RIT2: variants seen among roughly 807,000 people sequenced by gnomAD.
RIT2 encodes GTP-binding protein Rit2.
In RIT2, 24 loss-of-function variants were observed where a neutral mutation model predicts 23.7. The observed-to-expected ratio is 1.01, with a 90% CI of 0.73 to 1.43. The LOEUF (loss-of-function observed/expected upper bound fraction) is 1.43. Among genes scored for constraint, RIT2 ranks in the 40% most tolerant of loss-of-function variants. RIT2 has a pLI of 0.00. For missense variants in RIT2, 236 were observed against 266.9 expected, an observed-to-expected ratio of 0.88 and a Z score of 0.81; for synonymous variants, 107 against 91.1, an observed-to-expected ratio of 1.17 and a Z score of -0.99.
At chr18:43,105,517 GGAAT>G (rs1913801777) in intron 1 of RIT2, among the ~76,000 whole-genome samples, 2 of 150,668 alleles carry the variant, frequency 1.3e-5, no homozygotes, top group Admixed American at 6.6e-5. Flanking sequence ...AGGGAGGGAG[GGAAT>G]GAGCAGTTTT....
chr18:42,812,516 T>C (rs114418448), intron 4 of RIT2, among the ~76,000 whole-genome samples: 1,712 of 152,326 alleles, frequency 0.011, 36 homozygotes, highest in African/African-American at 0.04. Flanking sequence ...CCCATTTCTT[T>C]ACTGTACCTC....
chr18:42,874,044 C>T (rs1351775375), intron 4 of RIT2, among the ~76,000 whole-genome samples: 1 of 152,092 alleles, frequency 6.6e-6, no homozygotes, highest in Non-Finnish European at 1.5e-5. Flanking sequence ...AACATCATTC[C>T]ACTGAGAGAT....
chr18:42,990,411 C>G (rs556849263), intron 2 of RIT2, among the ~76,000 whole-genome samples: 1 of 152,168 alleles, frequency 6.6e-6, no homozygotes, highest in South Asian at 2.1e-4. Flanking sequence ...TGACCAAATG[C>G]CTAGGCACCC....
At chr18:42,979,570 T>A (rs1253077650) in intron 2 of RIT2, among the ~76,000 whole-genome samples, 1 of 152,134 alleles carries the variant, frequency 6.6e-6, no homozygotes, top group African/African-American at 2.4e-5. Flanking sequence ...CTTGAATAAA[T>A]CATCTCAATT....
Position 42,743,532 on chromosome 18 carries a change from G to T in RIT2, c.615C>A (p.Leu205=), listed in dbSNP as rs1804730. ...LKRKDSLWKK[L]KGSLKKKREN... is the part of the protein sequence containing the mutation. ...CTCTCTTCTTCTTCAAAGAACCTTT[G>T]AGCTTCTTCCACAGGCTGTCTTTTC... Residue 205 remains leucine, a synonymous_variant, in exon 5 of 5, where the codon CTC becomes CTA. Coordinates refer to ENST00000326695, the MANE Select transcript of RIT2 (RefSeq NM_002930.4). 0.4 allele frequency: 645,132 copies of T among 1,612,434 alleles called. 139,735 individuals carry two copies. The highest frequency in any genetic ancestry group is 0.76 in the African/African-American group (56,965 of 74,952).
chr18:42,799,413 A>G (rs1224832433), intron 4 of RIT2, among the ~76,000 whole-genome samples: 4 of 152,224 alleles, frequency 2.6e-5, no homozygotes, highest in Non-Finnish European at 4.4e-5. Context: ...AAATAACTCT[A>G]AAAATATTCC....
At chr18:43,115,005 G>A (rs1281342374) in intron 1 of RIT2, among the ~76,000 whole-genome samples, 1 of 152,100 alleles carries the variant, frequency 6.6e-6, no homozygotes, top group Non-Finnish European at 1.5e-5. Context: ...ATCATCCCGA[G>A]TATATGTCTG....
chr18:43,059,003 C>T (rs1751878950), intron 1 of RIT2, among the ~76,000 whole-genome samples: 2 of 121,162 alleles, frequency 1.7e-5, no homozygotes. Flanking sequence ...TTCAACATAG[C>T]TGCTCTTCCC....
chr18:42,939,634 G>A (rs758001094), intron 3 of RIT2, among the ~76,000 whole-genome samples: 1 of 151,628 alleles, frequency 6.6e-6, no homozygotes, highest in Non-Finnish European at 1.5e-5. Context: ...TTAAAATTTT[G>A]TTCTTTATTC....
intron 4 of RIT2, among the ~76,000 whole-genome samples, chr18:42,798,094 T>C (rs1905426360): frequency 6.6e-6 from 1 of 152,250 alleles, no homozygotes. Context: ...TTTAATTTTC[T>C]GATCTTTTAA....
rs1158013443 is a variant in RIT2, at chr18:43,089,590, T to TA, written c.103+25826dup. ...CAAGACAATCCTAAGCAAAAAAAAA[T>TA]AAAAAAAAAAATAAAGCTGGAGGTG... On this transcript the variant is annotated intron_variant, in intron 1 of 4. Transcript: ENST00000326695. 7.1e-4 allele frequency among the ~76,000 whole-genome samples: 92 copies of TA among 129,956 alleles called. 1 individual carries two copies. Among genetic ancestry groups the TA allele is most frequent in the South Asian group, 2.7e-3 (11 of 4,074 alleles). The allele number at this position is 129,956 out of a possible 152,430, so 85.3% of individuals were successfully genotyped here. A position where few individuals can be genotyped will look rare whatever the true frequency, so the allele number is the denominator to read the frequency against.
At chr18:42,902,866 G>T (rs1035321779) in intron 4 of RIT2, among the ~76,000 whole-genome samples, 2 of 151,574 alleles carry the variant, frequency 1.3e-5, no homozygotes, top group Admixed American at 6.6e-5. Flanking sequence ...TAGGCAAATG[G>T]ATTAACATTG....
Position 42,843,666 on chromosome 18 carries a change from G to C in RIT2, c.426+79906C>G, listed in dbSNP as rs150106709. Among the ~76,000 whole-genome samples, 13 of 152,254 alleles carry C rather than the reference G, an allele frequency of 8.5e-5. No individual in the cohort carries two copies. In the East Asian group the frequency reaches 2.5e-3, roughly 29 times the overall value. On this transcript the variant is annotated intron_variant, in intron 4 of 4. Coordinates refer to ENST00000326695, the MANE Select transcript of RIT2 (RefSeq NM_002930.4). ...TTGGAATAAAGCAAGAAAGCTCAGGGGGGTTCTCAATTTATAAAGTTATTG... is the reference window on the plus strand; with the variant it reads ...TTGGAATAAAGCAAGAAAGCTCAGGCGGGTTCTCAATTTATAAAGTTATTG...
chr18:43,095,692 T>A (rs542481322), intron 1 of RIT2, among the ~76,000 whole-genome samples: 15 of 151,996 alleles, frequency 9.9e-5, no homozygotes, highest in Non-Finnish European at 1.3e-4. Context: ...CCTATCCACT[T>A]ACTTATCTGC....
At chr18:42,830,056 C>T (rs1305189821) in intron 4 of RIT2, among the ~76,000 whole-genome samples, 1 of 152,024 alleles carries the variant, frequency 6.6e-6, no homozygotes. Context: ...CAGAAGCAAA[C>T]AAGGAGTGAG....
chr18:42,932,850 T>C lies in RIT2; in HGVS notation c.235-9087A>G, dbSNP rs536636700. 1.3e-4 allele frequency among the ~76,000 whole-genome samples: 16 copies of C among 118,678 alleles called. No homozygotes were observed. The East Asian group carries it at 2.7e-3, about 20-fold the overall frequency. The allele number at this position is 118,678 out of a possible 152,430, so 77.9% of individuals were successfully genotyped here. A position where few individuals can be genotyped will look rare whatever the true frequency, so the allele number is the denominator to read the frequency against. ...GCTTCTTAGTCAATTATATTCTTCC[T>C]GTTTTTTTTTATTAACCCATATCTA... is the stretch of plus-strand genomic sequence containing the variant. On this transcript the variant is annotated intron_variant, in intron 3 of 4. Coordinates refer to ENST00000326695, the MANE Select transcript of RIT2 (RefSeq NM_002930.4).
intron 3 of RIT2, among the ~76,000 whole-genome samples, chr18:42,949,744 A>G (rs778345957): frequency 2.6e-5 from 4 of 152,088 alleles, no homozygotes; most frequent in Non-Finnish European, 5.9e-5. Flanking sequence ...GGGATTAATA[A>G]TCTGAGACTT....
intron 4 of RIT2, among the ~76,000 whole-genome samples, chr18:42,867,968 G>A (rs1367292865): frequency 6.6e-6 from 1 of 152,174 alleles, no homozygotes; most frequent in Non-Finnish European, 1.5e-5. Flanking sequence ...CTATTCCACT[G>A]TGTGGCCAGT....
chr18:42,880,804 C>CTTTT lies in RIT2; in HGVS notation c.426+42764_426+42767dup, dbSNP rs397966126. On this transcript the variant is annotated intron_variant, in intron 4 of 4. Transcript: ENST00000326695. ...AACAGAATTCTTCCTCTTCCTACCT[C>CTTTT]TTTTTTTTTTTTTTTTTTTTGAGAC... Among the ~76,000 whole-genome samples the CTTTT allele has an allele frequency of 9.7e-3, 1,125 of 115,542 alleles. 48 individuals are homozygous for CTTTT. The highest frequency in any genetic ancestry group is 0.032 in the African/African-American group (926 of 29,102). 75.8% of individuals were successfully genotyped at this position (115,542 alleles called of 152,430 possible).
Sources: allele counts gnomAD v4.1 joint callset (sites outside exome capture counted in the v4.1 genomes callset), GRCh38; gene constraint gnomAD v4.1.1; transcripts MANE v1.5; gene names NCBI Gene and HGNC (gene_info 2026-07-23, HGNC 2026-07-21).